ZNF367: variants seen among roughly 807,000 people sequenced by gnomAD.
The protein encoded by ZNF367 is zinc finger protein 367, also known as C2H2 zinc finger protein ZFF29.
ZNF367 carries 11 observed loss-of-function variants against 31.8 expected under a neutral mutation model. The observed-to-expected ratio is 0.35, with a 90% CI of 0.22 to 0.57. The LOEUF (loss-of-function observed/expected upper bound fraction) is 0.57. Ranked by LOEUF, ZNF367 falls within the 20% of genes least tolerant of loss-of-function variation. The probability of loss-of-function intolerance (pLI) is 0.85; values close to 1 mark genes in which losing one functional copy is unlikely to be tolerated. For missense variants in ZNF367, 353 were observed against 484.1 expected, an observed-to-expected ratio of 0.73 and a Z score of 2.54; for synonymous variants, 199 against 202.4, an observed-to-expected ratio of 0.98 and a Z score of 0.14.
chr9:96,395,045 CAAT>C, intron 2 of ZNF367, 103 bp from the exon 3 acceptor site: 1 of 1,290,406 alleles, frequency 7.7e-7, no homozygotes, highest in East Asian at 2.4e-5. Context: ...CTCCCAATAA[CAAT>C]AAAACATGTC....
At chr9:96,395,003 G>A in intron 2 of ZNF367, 61 bp from the exon 3 acceptor site, 1 of 1,589,544 alleles carries the variant, frequency 6.3e-7, no homozygotes. Context: ...GGAGGGGGAT[G>A]GGGAGAGAAT....
intron 1 of ZNF367, among the ~76,000 whole-genome samples, chr9:96,413,106 G>C (rs1831772927): frequency 6.6e-6 from 1 of 152,170 alleles, no homozygotes; most frequent in African/African-American, 2.4e-5. Context: ...GTGCAGTATA[G>C]GGACTAAGAA....
At chr9:96,416,211 C>T (rs1831828960) in intron 1 of ZNF367, among the ~76,000 whole-genome samples, 1 of 151,922 alleles carries the variant, frequency 6.6e-6, no homozygotes, top group Admixed American at 6.6e-5. Flanking sequence ...CTCAGCCTCC[C>T]GAGTAGCTGG....
intron 1 of ZNF367, among the ~76,000 whole-genome samples, chr9:96,416,281 T>C (rs1831829901): frequency 6.6e-6 from 1 of 151,792 alleles, no homozygotes; most frequent in Non-Finnish European, 1.5e-5. Flanking sequence ...AAAGACGGGG[T>C]TTCACCGTGT....
intron 2 of ZNF367, among the ~76,000 whole-genome samples, chr9:96,396,278 C>T (rs150467743): frequency 6.6e-5 from 10 of 151,950 alleles, no homozygotes; most frequent in Admixed American, 6.6e-4. Context: ...AACCAGTTAT[C>T]CAGGGGATAT....
chr9:96,407,150 T>C, intron 1 of ZNF367: 1 of 529,676 alleles, frequency 1.9e-6, no homozygotes, highest in East Asian at 3.5e-5. Flanking sequence ...CAAGACCCCA[T>C]CTCTATTATT....
chr9:96,417,905 G>A lies in ZNF367; in HGVS notation c.128C>T (p.Thr43Met), dbSNP rs757468564. 6 of 1,505,880 alleles carry A rather than the reference G, an allele frequency of 4.0e-6. No individual in the cohort carries two copies. The Admixed American group carries it at 8.3e-5, about 21-fold the overall frequency. 93.3% of individuals were successfully genotyped at this position (1,505,880 alleles called of 1,614,324 possible). A position where few individuals can be genotyped will look rare whatever the true frequency, so the allele number is the denominator to read the frequency against. ...SVIRTTPIKP[T>M]CGGGGEPEPP... Reference sequence around the variant, plus strand: ...CTCCGGCTCCCCTCCACCGCCGCACGTTGGCTTGATCGGGGTCGTCCTGAT... The same window carrying A: ...CTCCGGCTCCCCTCCACCGCCGCACATTGGCTTGATCGGGGTCGTCCTGAT... Residue 43 changes from threonine to methionine, a missense_variant, in exon 1 of 5, where the codon ACG becomes ATG. Thr to Met is a moderately conservative substitution (Grantham distance 81). This residue lies in a region of ZNF367 where 94 missense variants were observed against 86.7 expected (regional missense o/e 1.08). Coordinates refer to ENST00000375256, the MANE Select transcript of ZNF367 (RefSeq NM_153695.4). The surrounding 1 kb of genome is among the most constrained non-coding windows in gnomAD (Gnocchi z 5.0).
At chr9:96,402,628 T>C in intron 1 of ZNF367, among the ~76,000 whole-genome samples, 1 of 130,256 alleles carries the variant, frequency 7.7e-6, no homozygotes, top group East Asian at 2.2e-4. Flanking sequence ...AATTTTTTTT[T>C]TTTTTTTTTT....
At position 96,394,918 on chromosome 9, in the gene ZNF367, T is replaced by C; in HGVS notation, c.596A>G (p.Tyr199Cys). Residue 199 changes from tyrosine to cysteine, a missense_variant, in exon 3 of 5, where the codon TAT becomes TGT. Physicochemically the swap from Tyr to Cys is radical, Grantham distance 194. This residue lies in a region of ZNF367 where 57 missense variants were observed against 141.9 expected (regional missense o/e 0.40). Coordinates refer to ENST00000375256, the MANE Select transcript of ZNF367 (RefSeq NM_153695.4). ...HTGERPYLCD[Y>C]PDCGKAFVQS... ...AACAAAGGCTTTTCCACAGTCTGGA[T>C]AGTCACACAGATAGGGCCTCTCACC... 2 of 1,614,102 alleles carry C rather than the reference T, an allele frequency of 1.2e-6. No homozygotes were observed.
At chr9:96,414,249 A>G (rs946084904) in intron 1 of ZNF367, among the ~76,000 whole-genome samples, 2 of 152,214 alleles carry the variant, frequency 1.3e-5, no homozygotes, top group Non-Finnish European at 2.9e-5. Context: ...AAGCTAAATA[A>G]ATGAATTTTT....
intron 1 of ZNF367, among the ~76,000 whole-genome samples, chr9:96,399,338 G>C (rs60644937): frequency 0.028 from 4,236 of 152,044 alleles, 76 homozygotes; most frequent in Middle Eastern, 0.058. Flanking sequence ...ACTCTTTTTT[G>C]GGGGATGGTG....
chr9:96,399,170 A>G (rs564370126), intron 1 of ZNF367, among the ~76,000 whole-genome samples: 1 of 152,194 alleles, frequency 6.6e-6, no homozygotes, highest in East Asian at 1.9e-4. Context: ...ATGCTCAGAA[A>G]AGATCTGAAA....
rs572160693 is a variant in ZNF367, at chr9:96,412,681, TTTTTCTTTTTC to T, written c.420+4921_420+4931del. On this transcript the variant is annotated intron_variant, in intron 1 of 4. Coordinates refer to ENST00000375256, the MANE Select transcript of ZNF367 (RefSeq NM_153695.4). ...TAAGCTATACATAGTATGTATTTCTTTTTTCTTTTTCTTTTCTTTTTTTTTTTTTTTTGAGA... is the reference window on the plus strand; with the variant it reads ...TAAGCTATACATAGTATGTATTTCTTTTTTCTTTTTTTTTTTTTTTTGAGA... Among the ~76,000 whole-genome samples the T allele has an allele frequency of 9.3e-3, 1,388 of 149,880 alleles. 12 individuals carry two copies. The highest frequency in any genetic ancestry group is 0.014 in the Non-Finnish European group (964 of 67,762).
rs1564146300 is a variant in ZNF367, at chr9:96,416,084, G to GT, written c.420+1528dup. 2.1e-4 allele frequency among the ~76,000 whole-genome samples: 28 copies of GT among 131,230 alleles called. No homozygotes were observed. The South Asian group carries it at 5.0e-3, about 23-fold the overall frequency. The allele number at this position is 131,230 out of a possible 152,430, so 86.1% of individuals were successfully genotyped here. On this transcript the variant is annotated intron_variant, in intron 1 of 4. Coordinates refer to ENST00000375256, the MANE Select transcript of ZNF367 (RefSeq NM_153695.4). ...AGGCTCTGTTATGGTTTTTTTTTTT[G>GT]TTGTTTTTTTTTTTTTTTTTTGAGA... is the stretch of plus-strand genomic sequence containing the variant.
At chr9:96,394,731 A>T (rs1831510364) in intron 3 of ZNF367, 92 bp downstream of exon 3, 1 of 1,222,046 alleles carries the variant, frequency 8.2e-7, no homozygotes, top group African/African-American at 1.5e-5. Context: ...TTATATTAAA[A>T]AATCTTTCCC....
rs1050725221 is a variant in ZNF367, at chr9:96,417,380, C to T, written c.420+233G>A. Among the ~76,000 whole-genome samples, 1 of 151,686 alleles carries T rather than the reference C, an allele frequency of 6.6e-6. No individual in the cohort carries two copies. The highest frequency in any genetic ancestry group is 1.5e-5 in the Non-Finnish European group (1 of 67,840). On this transcript the variant is annotated intron_variant, in intron 1 of 4. Transcript: ENST00000375256. This position sits in a 1 kb window ranked among gnomAD's most constrained non-coding sequence, Gnocchi z 5.0. ...CAGCGACCCCGGGCCGCGCTCCCGC[C>T]CACTGCACCTGCCGCAAGGACGGTC...
chr9:96,405,314 CAAA>C (rs975848691), intron 1 of ZNF367, among the ~76,000 whole-genome samples: 5 of 55,142 alleles, frequency 9.1e-5, no homozygotes, highest in East Asian at 5.6e-4. Context: ...AACTCTGTCT[CAAA>C]AAAAAAAAAA....
chr9:96,418,322 C>T lies in ZNF367; in HGVS notation c.-290G>A. 1 of 383,484 alleles carries T rather than the reference C, an allele frequency of 2.6e-6. No individual in the cohort carries two copies. Among genetic ancestry groups the T allele is most frequent in the Non-Finnish European group, 4.6e-6 (1 of 218,790 alleles). The allele number at this position is 383,484 out of a possible 1,614,324, so 23.8% of individuals were successfully genotyped here. ...CCCGGCCCTTGCGGTGACAGGAAAG[C>T]AGGACGCGCGGCGCTGAGCCCCCAA... On this transcript the variant is annotated 5_prime_UTR_variant, in exon 1 of 5. Transcript: ENST00000375256.
At chr9:96,395,766 A>G (rs1317302746) in intron 2 of ZNF367, among the ~76,000 whole-genome samples, 1 of 152,192 alleles carries the variant, frequency 6.6e-6, no homozygotes, top group Non-Finnish European at 1.5e-5. Flanking sequence ...TTTATGTGTC[A>G]TGGTAGTCTC....
Sources: gnomAD v4.1 joint callset for allele counts (sites outside exome capture counted in the v4.1 genomes callset) on GRCh38, gnomAD v4.1.1 for gene constraint, gnomAD v4.1.1 regional missense constraint, Gnocchi (gnomAD v3.1) non-coding constraint, MANE v1.5 for transcripts, NCBI Gene and HGNC (gene_info 2026-07-23, HGNC 2026-07-21) for gene names.